The following TMEM44 variants were observed in gnomAD, a reference collection of about 807,000 sequenced individuals.
TMEM44 encodes the protein transmembrane protein 44.
Under a neutral mutation model 47.8 loss-of-function variants are expected in TMEM44, and 43 were observed. The observed-to-expected ratio is 0.90, with a 90% CI of 0.70 to 1.16. TMEM44 has a LOEUF of 1.16. Among genes scored for constraint, TMEM44 ranks in the 50% most tolerant of loss-of-function variants. The pLI is 0.00. For synonymous variants in TMEM44, 277 were observed against 238.8 expected (o/e 1.16, Z -1.48); for missense variants, 568 against 555.2 (o/e 1.02, Z -0.23).
chr3:194,603,884 C>T (rs1351153772), intron 9 of TMEM44, among the ~76,000 whole-genome samples: 2 of 151,716 alleles, frequency 1.3e-5, no homozygotes, highest in African/African-American at 4.9e-5. Context: ...GACGGAGTCT[C>T]GTTCTGTTGC....
rs371802614 is a variant in TMEM44, at chr3:194,614,520, C to T, written c.912+1049G>A. 7.2e-5 allele frequency among the ~76,000 whole-genome samples: 11 copies of T among 152,318 alleles called. No individual in the cohort carries two copies. In the East Asian group the frequency reaches 1.9e-3, roughly 27 times the overall value. On this transcript the variant is annotated intron_variant, in intron 7 of 9. Coordinates refer to ENST00000347147, the MANE Select transcript of TMEM44 (RefSeq NM_001011655.3). ...CCAGGATCAAGAGATCCTCCTGCCTCAGCCTCCTAAGTAGCTGGGACTACA... is the reference window on the plus strand; with the variant it reads ...CCAGGATCAAGAGATCCTCCTGCCTTAGCCTCCTAAGTAGCTGGGACTACA...
At chr3:194,595,844 C>A (rs1713339228) in intron 9 of TMEM44, among the ~76,000 whole-genome samples, 1 of 152,056 alleles carries the variant, frequency 6.6e-6, no homozygotes. Flanking sequence ...TCAGGCTGGT[C>A]TCAAACTCCT....
At chr3:194,614,702 C>T (rs1245270158) in intron 7 of TMEM44, among the ~76,000 whole-genome samples, 3 of 152,056 alleles carry the variant, frequency 2.0e-5, no homozygotes, top group Non-Finnish European at 4.4e-5. Flanking sequence ...CCACTGCACC[C>T]GGCCAAAAAT....
chr3:194,604,558 G>T, intron 8 of TMEM44, 113 bp from the exon 9 acceptor site: 1 of 1,343,796 alleles, frequency 7.4e-7, no homozygotes, highest in Non-Finnish European at 9.9e-7. Flanking sequence ...GGTGTGCAGG[G>T]CAGCATCTAC....
intron 9 of TMEM44, chr3:194,592,964 AG>A: frequency 6.5e-7 from 1 of 1,535,300 alleles, no homozygotes; most frequent in Non-Finnish European, 9.0e-7. Flanking sequence ...CCATCTAACA[AG>A]GTCTAACAAA....
In TMEM44 at chr3:194,633,303, G is replaced by C. The variant is rs6437392; in HGVS notation, c.-88C>G. ...AGCCCCGAGCGCCGCCGCCCCGCGT[G>C]CCCTTCTCTGGGTTCCGTTCCGCCG... On this transcript the variant is annotated 5_prime_UTR_variant, in exon 1 of 10. Transcript: ENST00000347147. The C allele has an allele frequency of 0.84, 476,395 of 569,854 alleles. 199,821 individuals carry two copies. Among genetic ancestry groups the C allele is most frequent in the East Asian group, 0.97 (7,249 of 7,482 alleles). The allele number at this position is 569,854 out of a possible 1,614,324, so 35.3% of individuals were successfully genotyped here.
chr3:194,602,229 G>A (rs528148640), intron 9 of TMEM44, among the ~76,000 whole-genome samples: 18 of 152,232 alleles, frequency 1.2e-4, no homozygotes, highest in Non-Finnish European at 4.4e-5. Flanking sequence ...CAGGGTGCAG[G>A]GACAGAGAGA....
chr3:194,630,714 G>A (rs4677667), intron 1 of TMEM44, among the ~76,000 whole-genome samples: 1 of 148,088 alleles, frequency 6.8e-6, no homozygotes, highest in East Asian at 2.0e-4. Context: ...GAAATGATAC[G>A]CTGTCGTACC....
Position 194,623,313 on chromosome 3 carries a change from G to C in TMEM44, c.526-3C>G, listed in dbSNP as rs777237684. The C allele has an allele frequency of 1.2e-6, 2 of 1,601,912 alleles. No individual in the cohort carries two copies. The highest frequency in any genetic ancestry group is 1.7e-6 in the Non-Finnish European group (2 of 1,173,870). On this transcript the variant is annotated splice_polypyrimidine_tract_variant and splice_region_variant and intron_variant, in intron 4 of 9. Transcript: ENST00000347147. ...TAGCCGAGGATCTCAGTATTTTCCTGCAAGAACGAACAGGTGATCCACCAT... is the reference window on the plus strand; with the variant it reads ...TAGCCGAGGATCTCAGTATTTTCCTCCAAGAACGAACAGGTGATCCACCAT...
At chr3:194,608,315 C>T (rs927105288) in intron 8 of TMEM44, among the ~76,000 whole-genome samples, 5 of 152,190 alleles carry the variant, frequency 3.3e-5, no homozygotes, top group African/African-American at 9.7e-5. Flanking sequence ...CTCTCTCAGC[C>T]GAGTCTCTCC....
chr3:194,622,993 C>G, intron 5 of TMEM44: 3 of 461,152 alleles, frequency 6.5e-6, no homozygotes, highest in South Asian at 2.9e-5. Flanking sequence ...AACACACGGG[C>G]TTTCCCCGAG....
intron 7 of TMEM44, 139 bp downstream of exon 7, chr3:194,615,430 G>C (rs1236844250): frequency 2.5e-6 from 3 of 1,209,522 alleles, no homozygotes; most frequent in Non-Finnish European, 3.5e-6. Context: ...AGCGAGACAG[G>C]ACAGCTGTCT....
intron 9 of TMEM44, among the ~76,000 whole-genome samples, chr3:194,591,902 C>T (rs933118688): frequency 2.6e-5 from 4 of 152,130 alleles, no homozygotes; most frequent in South Asian, 2.1e-4. Context: ...CCAACGTGCC[C>T]GGCCTAAAAA....
chr3:194,629,531 G>C (rs561623300), intron 1 of TMEM44, among the ~76,000 whole-genome samples: 8 of 152,288 alleles, frequency 5.3e-5, no homozygotes, highest in Admixed American at 3.3e-4. Context: ...GGGGCTGGCT[G>C]TATCTATCGG....
chr3:194,597,889 A>G (rs1256047706), intron 9 of TMEM44, among the ~76,000 whole-genome samples: 3 of 152,176 alleles, frequency 2.0e-5, no homozygotes, highest in Admixed American at 1.3e-4. Context: ...GGTCACTCCC[A>G]TAAGTCCTGC....
At chr3:194,607,774 C>T (rs1484440671) in intron 8 of TMEM44, among the ~76,000 whole-genome samples, 1 of 152,208 alleles carries the variant, frequency 6.6e-6, no homozygotes, top group Non-Finnish European at 1.5e-5. Context: ...TGGCAAGTCC[C>T]TAACCCTCAG....
In TMEM44 at chr3:194,633,254, G is replaced by A; in HGVS notation, c.-39C>T. On this transcript the variant is annotated 5_prime_UTR_variant, in exon 1 of 10. Coordinates refer to ENST00000347147, the MANE Select transcript of TMEM44 (RefSeq NM_001011655.3). ...GCGCGGCGCGGGGCCGGGGACCTGG[G>A]CGCAGCCTCCCTCGCCGCGGGCAAG... is the stretch of plus-strand genomic sequence containing the variant. The A allele has an allele frequency of 8.8e-7, 1 of 1,131,074 alleles. No homozygotes were observed. Among genetic ancestry groups the A allele is most frequent in the East Asian group, 4.3e-5 (1 of 23,494 alleles). The allele number at this position is 1,131,074 out of a possible 1,614,324, so 70.1% of individuals were successfully genotyped here.
chr3:194,617,139 C>T lies in TMEM44; in HGVS notation c.743G>A (p.Trp248Ter). 1 of 1,559,012 alleles carries T rather than the reference C, an allele frequency of 6.4e-7. No homozygotes were observed. Among genetic ancestry groups the T allele is most frequent in the South Asian group, 1.2e-5 (1 of 84,316 alleles). ...HPEYLLRATP[W>*]FLTSLGRAAL... The stretch of plus-strand genomic sequence containing the variant: ...CGCACGGCCGAGGGAGGTCAGGAAC[C>T]AGGGTGTGGCCCGCAGCAGGTACTC... The change falls in exon 6 of 10, where the codon TGG becomes TAG. Residue 248 changes from tryptophan to a stop codon, truncating the protein, a stop_gained. Coordinates refer to ENST00000347147, the MANE Select transcript of TMEM44 (RefSeq NM_001011655.3). LOFTEE classifies it high-confidence loss of function.
intron 9 of TMEM44, chr3:194,596,853 T>C (rs1049756746): frequency 1.3e-5 from 2 of 152,152 alleles, no homozygotes; most frequent in African/African-American, 4.8e-5. Flanking sequence ...CATGCATACT[T>C]TTTTCCCAGA....
Sources: gnomAD v4.1 joint callset for allele counts (sites outside exome capture counted in the v4.1 genomes callset) on GRCh38, gnomAD v4.1.1 for gene constraint, MANE v1.5 for transcripts, NCBI Gene and HGNC (gene_info 2026-07-23, HGNC 2026-07-21) for gene names.